Variants in FANCA observed in about 807,000 individuals in gnomAD.
FANCA encodes the protein Fanconi anemia group A protein.
Under a neutral mutation model 194.3 loss-of-function variants are expected in FANCA, and 236 were observed. The observed-to-expected ratio is 1.21, with a 90% CI of 1.09 to 1.35. FANCA has a LOEUF of 1.35. FANCA is among the 40% of genes most tolerant of loss of function. The pLI, the probability that FANCA is intolerant of heterozygous loss-of-function variation, is 0.00. For synonymous variants in FANCA, 1,014 were observed against 715.8 expected (o/e 1.42, Z -6.65); for missense variants, 2,628 against 1,813.9 (o/e 1.45, Z -8.15).
At chr16:89,789,407 C>T (rs1038662578) in intron 14 of FANCA, among the ~76,000 whole-genome samples, 14 of 150,582 alleles carry the variant, frequency 9.3e-5, no homozygotes, top group South Asian at 4.2e-4. Context: ...ACTACTTCAC[C>T]GAGGTGGTGA....
At chr16:89,763,244 C>G in intron 28 of FANCA, among the ~76,000 whole-genome samples, 1 of 105,628 alleles carries the variant, frequency 9.5e-6, no homozygotes, top group East Asian at 3.2e-3. Flanking sequence ...AAGATTCCAT[C>G]TCCAAAAAAA....
chr16:89,740,831 G>T lies in FANCA; in HGVS notation c.3801C>A (p.Gly1267=), dbSNP rs143772894. The T allele has an allele frequency of 6.2e-7, 1 of 1,613,430 alleles. No individual in the cohort carries two copies. The highest frequency in any genetic ancestry group is 1.3e-5 in the African/African-American group (1 of 74,840). The change falls in exon 38 of 43, where the codon GGC becomes GGA. Residue 1267 remains glycine (G), a synonymous_variant. Transcript: ENST00000389301. ...TTGAGGTCAGATGTGACGACAGCAG[G>T]CCCATCAAGGAGAAGAAGAAAAGGA... ...LVFLFFFSLM[G]LLSSHLTSNS... is the part of the protein sequence containing the mutation.
At chr16:89,750,863 C>A (rs1360200770) in intron 31 of FANCA, among the ~76,000 whole-genome samples, 1 of 152,122 alleles carries the variant, frequency 6.6e-6, no homozygotes, top group East Asian at 1.9e-4. Context: ...ACATTTTACC[C>A]CACACATCAT....
At chr16:89,775,020 G>T (rs1047967104) in intron 21 of FANCA, among the ~76,000 whole-genome samples, 1 of 151,964 alleles carries the variant, frequency 6.6e-6, no homozygotes, top group African/African-American at 2.4e-5. Context: ...CTTGAACCCA[G>T]GGGGCAGAGG....
intron 24 of FANCA, 89 bp from the exon 25 acceptor site, chr16:89,770,348 A>G: frequency 5.5e-6 from 7 of 1,263,490 alleles, no homozygotes; most frequent in Non-Finnish European, 7.9e-6. Context: ...CGGCCGAAGA[A>G]AGAGCCAAGC....
At chr16:89,758,253 A>G (rs930403655) in intron 30 of FANCA, among the ~76,000 whole-genome samples, 1 of 152,236 alleles carries the variant, frequency 6.6e-6, no homozygotes, top group African/African-American at 2.4e-5. Flanking sequence ...GCTATGTGAT[A>G]GGCTCAAGTG....
At chr16:89,801,470 G>A (rs1446419828) in intron 8 of FANCA, among the ~76,000 whole-genome samples, 1 of 152,130 alleles carries the variant, frequency 6.6e-6, no homozygotes, top group Admixed American at 6.5e-5. Flanking sequence ...ACAAATGCTG[G>A]TGAGAATGCA....
intron 8 of FANCA, among the ~76,000 whole-genome samples, chr16:89,802,483 G>A (rs1215354289): frequency 6.6e-6 from 1 of 151,774 alleles, no homozygotes; most frequent in East Asian, 1.9e-4. Context: ...CTCACTGCAA[G>A]CTCCGCCTCC....
intron 8 of FANCA, among the ~76,000 whole-genome samples, chr16:89,802,728 A>G (rs1307582398): frequency 1.3e-5 from 2 of 152,112 alleles, no homozygotes; most frequent in Non-Finnish European, 2.9e-5. Flanking sequence ...TTAAAGTGAA[A>G]TCCTGTCATT....
Position 89,773,260 on chromosome 16 carries a change from T to A in FANCA, c.2014+11A>T, listed in dbSNP as rs933735919. 5.8e-6 allele frequency: 9 copies of A among 1,540,844 alleles called. No individual in the cohort carries two copies. The African/African-American group carries it at 1.1e-4, about 19-fold the overall frequency. On this transcript the variant is annotated intron_variant, in intron 22 of 42. Transcript: ENST00000389301. ...ACATGAGACACAGCATGAGCTCCCA[T>A]CCATCCTCACCATCACGCTGGCTGG...
intron 29 of FANCA, among the ~76,000 whole-genome samples, chr16:89,759,438 C>T (rs1021321466): frequency 1.3e-5 from 2 of 150,284 alleles, no homozygotes; most frequent in Admixed American, 1.3e-4. Flanking sequence ...AGACTGTGGA[C>T]TCTGTGGATA....
At chr16:89,767,470 C>T (rs951023318) in intron 26 of FANCA, among the ~76,000 whole-genome samples, 2 of 152,092 alleles carry the variant, frequency 1.3e-5, no homozygotes, top group Non-Finnish European at 1.5e-5. Flanking sequence ...CGGGTTCAAG[C>T]GAGTCTCCTG....
intron 7 of FANCA, 76 bp downstream of exon 7, chr16:89,805,204 G>A (rs1222521620): frequency 8.8e-7 from 1 of 1,136,802 alleles, no homozygotes; most frequent in Non-Finnish European, 1.3e-6. Context: ...GCCTCGCAGA[G>A]CTCTTGAGAG....
At chr16:89,782,495 C>A (rs922037384) in intron 17 of FANCA, among the ~76,000 whole-genome samples, 3 of 151,228 alleles carry the variant, frequency 2.0e-5, no homozygotes, top group Admixed American at 6.6e-5. Flanking sequence ...TGGTGACAGA[C>A]CAAGACTGCA....
chr16:89,770,719 A>C, intron 23 of FANCA, 85 bp from the exon 24 acceptor site: 1 of 1,199,370 alleles, frequency 8.3e-7, no homozygotes, highest in Non-Finnish European at 1.2e-6. Context: ...CGCCACAGAC[A>C]TCGCAATTCT....
chr16:89,805,916 CTT>C lies in FANCA; in HGVS notation c.597-526_597-525del, dbSNP rs910788164. 9.4e-5 allele frequency among the ~76,000 whole-genome samples: 14 copies of C among 149,296 alleles called. No homozygotes were observed. The East Asian group carries it at 2.3e-3, about 25-fold the overall frequency. On this transcript the variant is annotated intron_variant, in intron 6 of 42. Coordinates refer to ENST00000389301, the MANE Select transcript of FANCA (RefSeq NM_000135.4). ...TTCCTCTTTGTTTTATGGCCTGAAC[CTT>C]TTTTTTTTCTCTTGAAACAGTTTTG...
chr16:89,744,713 T>G, intron 36 of FANCA: 2 of 538,570 alleles, frequency 3.7e-6, no homozygotes, highest in East Asian at 3.4e-5. Flanking sequence ...CTATTGGCCG[T>G]TGGAGTGATC....
intron 37 of FANCA, among the ~76,000 whole-genome samples, chr16:89,741,108 C>G (rs770488569): frequency 6.6e-6 from 1 of 152,238 alleles, no homozygotes; most frequent in Non-Finnish European, 1.5e-5. Flanking sequence ...GAAAAAGTGA[C>G]AAGAGCCAGA....
intron 28 of FANCA, among the ~76,000 whole-genome samples, chr16:89,763,814 T>G (rs767825997): frequency 1.1e-4 from 16 of 151,628 alleles, no homozygotes. Context: ...GCGCCTGTAG[T>G]CCCAGCTACT....
Sources: allele counts gnomAD v4.1 joint callset (sites outside exome capture counted in the v4.1 genomes callset), GRCh38; gene constraint gnomAD v4.1.1; transcripts MANE v1.5; gene names NCBI Gene and HGNC (gene_info 2026-07-23, HGNC 2026-07-21).